Variants in PPARGC1A observed in about 807,000 individuals in gnomAD.
The protein encoded by PPARGC1A is PPARG coactivator 1 alpha.
Under a neutral mutation model 88.7 loss-of-function variants are expected in PPARGC1A, and 25 were observed. That is an observed-to-expected ratio of 0.28 (90% CI 0.21 to 0.39). The LOEUF is 0.39. PPARGC1A is among the 10% of genes least tolerant of loss of function. The probability of loss-of-function intolerance (pLI) is 1.00; values close to 1 mark genes in which losing one functional copy is unlikely to be tolerated. For missense variants in PPARGC1A, 880 were observed against 968.7 expected, an observed-to-expected ratio of 0.91 and a Z score of 1.22; for synonymous variants, 363 against 355.6, an observed-to-expected ratio of 1.02 and a Z score of -0.24.
At chr4:24,357,740 G>C in the PPARGC1A span, among the ~76,000 whole-genome samples, 1 of 152,138 alleles carries the variant, frequency 6.6e-6, no homozygotes, top group African/African-American at 2.4e-5. Flanking sequence ...TCATAGTAGT[G>C]AATAAGTCTC....
chr4:24,383,593 T>C, the PPARGC1A span, among the ~76,000 whole-genome samples: 2 of 152,054 alleles, frequency 1.3e-5, no homozygotes, highest in Non-Finnish European at 2.9e-5. Context: ...CAAGTATCAA[T>C]AGCCGAATCA....
the PPARGC1A span, among the ~76,000 whole-genome samples, chr4:24,456,725 A>G: frequency 6.6e-6 from 1 of 151,926 alleles, no homozygotes; most frequent in African/African-American, 2.4e-5. Flanking sequence ...GGGGAAAAGC[A>G]TGGTTAATGA....
chr4:24,210,639 G>A, the PPARGC1A span, among the ~76,000 whole-genome samples: 1 of 152,180 alleles, frequency 6.6e-6, no homozygotes. Context: ...CTGTGCTGAC[G>A]TCAAATTGCA....
chr4:24,111,103 T>C, the PPARGC1A span, among the ~76,000 whole-genome samples: 13 of 152,220 alleles, frequency 8.5e-5, no homozygotes, highest in Non-Finnish European at 1.3e-4. Context: ...CATCTTGCAT[T>C]GCCCTAGGGA....
the PPARGC1A span, among the ~76,000 whole-genome samples, chr4:24,175,173 C>T: frequency 2.6e-5 from 4 of 152,142 alleles, no homozygotes; most frequent in South Asian, 6.2e-4. Flanking sequence ...CTAAAATGGA[C>T]CCCAAGGAGC....
At chr4:24,053,050 T>G in the PPARGC1A span, among the ~76,000 whole-genome samples, 1 of 151,218 alleles carries the variant, frequency 6.6e-6, no homozygotes, top group East Asian at 2.0e-4. Context: ...TTTTGTATTT[T>G]TTAGTAGAGA....
the PPARGC1A span, among the ~76,000 whole-genome samples, chr4:24,372,264 C>T: frequency 6.6e-5 from 10 of 152,278 alleles, no homozygotes; most frequent in South Asian, 2.1e-3. Flanking sequence ...GGGAGTTTAC[C>T]TAAATCAGTG....
At chr4:24,142,368 T>C in the PPARGC1A span, among the ~76,000 whole-genome samples, 32 of 152,108 alleles carry the variant, frequency 2.1e-4, no homozygotes, top group African/African-American at 7.0e-4. Context: ...AGTGCTGGGA[T>C]TGGACTTTAA....
the PPARGC1A span, among the ~76,000 whole-genome samples, chr4:24,232,040 C>G: frequency 6.6e-6 from 1 of 152,114 alleles, no homozygotes. Context: ...AAATACATAA[C>G]CTTTCAGGTC....
chr4:24,078,695 C>T, the PPARGC1A span, among the ~76,000 whole-genome samples: 2 of 152,090 alleles, frequency 1.3e-5, no homozygotes, highest in Admixed American at 6.6e-5. Flanking sequence ...GATTCCTTCA[C>T]CTACAAGCTT....
chr4:23,813,938 T>C lies in PPARGC1A; in HGVS notation c.1545A>G (p.Glu515=). The C allele has an allele frequency of 6.2e-7, 1 of 1,614,020 alleles. No individual in the cohort carries two copies. The highest frequency in any genetic ancestry group is 1.1e-5 in the South Asian group (1 of 91,058). Residue 515 remains glutamate, a synonymous_variant, in exon 8 of 13, where the codon GAA becomes GAG. Transcript: ENST00000264867. ...LAMDGLFDDS[E]DESDKLSYPW... ...GGTAGCTCAGTTTATCACTTTCATC[T>C]TCGCTGTCATCAAACAGGCCATCCA...
At chr4:24,154,132 A>C in the PPARGC1A span, among the ~76,000 whole-genome samples, 1 of 152,194 alleles carries the variant, frequency 6.6e-6, no homozygotes. Flanking sequence ...CCCAGTTTGA[A>C]TCCCATCTCC....
At chr4:23,821,017 A>G (rs1223665878) in intron 7 of PPARGC1A, among the ~76,000 whole-genome samples, 2 of 152,098 alleles carry the variant, frequency 1.3e-5, no homozygotes, top group Admixed American at 6.6e-5. Flanking sequence ...TGCTGCACCT[A>G]TGGTAGACAT....
chr4:24,175,042 C>A, the PPARGC1A span, among the ~76,000 whole-genome samples: 51,833 of 152,056 alleles, frequency 0.34, 9,989 homozygotes, highest in African/African-American at 0.51. Context: ...GTATAACTTT[C>A]TAAAAGTAAC....
the PPARGC1A span, among the ~76,000 whole-genome samples, chr4:24,049,423 G>A: frequency 6.7e-6 from 1 of 150,344 alleles, no homozygotes; most frequent in East Asian, 2.0e-4. Context: ...TAAAAAAATA[G>A]TAAGTTCAGG....
chr4:24,012,428 A>G, the PPARGC1A span, among the ~76,000 whole-genome samples: 545 of 152,204 alleles, frequency 3.6e-3, 3 homozygotes, highest in African/African-American at 0.013. Context: ...CTCCACAGAC[A>G]GCATCTAGCC....
At chr4:24,088,589 A>G in the PPARGC1A span, among the ~76,000 whole-genome samples, 1 of 152,192 alleles carries the variant, frequency 6.6e-6, no homozygotes, top group Non-Finnish European at 1.5e-5. Context: ...TACAAAATAA[A>G]TAAATAATAT....
the PPARGC1A span, among the ~76,000 whole-genome samples, chr4:24,186,282 T>G: frequency 2.6e-5 from 4 of 152,116 alleles, no homozygotes; most frequent in Admixed American, 2.6e-4. Flanking sequence ...AGAGGACCCT[T>G]CTGCGAATCC....
the PPARGC1A span, among the ~76,000 whole-genome samples, chr4:24,421,074 T>C: frequency 3.3e-5 from 5 of 152,106 alleles, no homozygotes; most frequent in East Asian, 7.8e-4. Context: ...CACTATTGCA[T>C]TGGGGATTTA....
Sources: gnomAD v4.1 joint callset for allele counts (sites outside exome capture counted in the v4.1 genomes callset) on GRCh38, gnomAD v4.1.1 for gene constraint, MANE v1.5 for transcripts, NCBI Gene and HGNC (gene_info 2026-07-23, HGNC 2026-07-21) for gene names.